BBS9: variants seen among roughly 807,000 people sequenced by gnomAD.
The protein encoded by BBS9 is protein PTHB1.
A neutral mutation model predicts 117.7 loss-of-function variants in BBS9; 89 were observed. The observed-to-expected ratio is 0.76, with a 90% CI of 0.64 to 0.90. The LOEUF (loss-of-function observed/expected upper bound fraction) is 0.90. BBS9 is among the 40% of genes least tolerant of loss of function. BBS9 has a pLI of 0.00. For synonymous variants in BBS9, 379 were observed against 370.9 expected (o/e 1.02, Z -0.25); for missense variants, 982 against 1,042.2 (o/e 0.94, Z 0.80).
intron 1 of BBS9, among the ~76,000 whole-genome samples, chr7:33,142,163 C>T (rs902573695): frequency 7.2e-5 from 11 of 152,056 alleles, no homozygotes; most frequent in Non-Finnish European, 1.0e-4. Flanking sequence ...CCTCGTGATC[C>T]GCCCGCCTCG....
intron 9 of BBS9, among the ~76,000 whole-genome samples, chr7:33,336,228 C>T (rs533262547): frequency 1.2e-4 from 19 of 152,234 alleles, no homozygotes; most frequent in Admixed American, 5.9e-4. Flanking sequence ...GCTTTTTTCC[C>T]GGCCTTAGTG....
At chr7:33,635,053 C>G (rs535161312) in intron 21 of BBS9, among the ~76,000 whole-genome samples, 3 of 152,294 alleles carry the variant, frequency 2.0e-5, no homozygotes, top group Admixed American at 2.0e-4. Context: ...CCTTTTCCCC[C>G]GGTTCAATCC....
In BBS9 at chr7:33,584,730, A is replaced by T. The variant is rs1030794843; in HGVS notation, c.2522-20135A>T. ...ACCTTAATGGATTTTGCATACATAT[A>T]CATGCATGAGATTGCTCTCAAATTT... is the stretch of plus-strand genomic sequence containing the variant. On this transcript the variant is annotated intron_variant, in intron 21 of 22. Transcript: ENST00000242067. Among the ~76,000 whole-genome samples the T allele has an allele frequency of 3.0e-4, 46 of 152,136 alleles. 1 individual carries two copies. The highest frequency in any genetic ancestry group is 1.5e-5 in the Non-Finnish European group (1 of 67,984).
At chr7:33,265,435 T>C (rs541442903) in intron 7 of BBS9, among the ~76,000 whole-genome samples, 2 of 152,336 alleles carry the variant, frequency 1.3e-5, no homozygotes, top group East Asian at 3.9e-4. Context: ...AAAGCACAGA[T>C]TGAAGTCAAA....
chr7:33,536,591 T>G (rs1227983543), intron 21 of BBS9, among the ~76,000 whole-genome samples: 1 of 132,890 alleles, frequency 7.5e-6, no homozygotes, highest in Non-Finnish European at 1.6e-5. Flanking sequence ...CAGCCCACTG[T>G]GCTTCCCTCT....
At chr7:33,214,975 G>A (rs895251671) in intron 5 of BBS9, among the ~76,000 whole-genome samples, 1 of 152,144 alleles carries the variant, frequency 6.6e-6, no homozygotes, top group Admixed American at 6.5e-5. Context: ...GGGCGATCAC[G>A]AGGTCAGGAG....
chr7:33,591,424 A>G (rs1021970893), intron 21 of BBS9, among the ~76,000 whole-genome samples: 1 of 152,086 alleles, frequency 6.6e-6, no homozygotes, highest in Non-Finnish European at 1.5e-5. Flanking sequence ...TGAGGTGTGA[A>G]CTAAATGATT....
chr7:33,221,801 GTGTT>G (rs1287154557), intron 5 of BBS9, among the ~76,000 whole-genome samples: 1 of 152,100 alleles, frequency 6.6e-6, no homozygotes, highest in African/African-American at 2.4e-5. Context: ...ATTTGGAAGT[GTGTT>G]TGTGTTTACA....
chr7:33,171,281 G>A (rs1192568499), intron 4 of BBS9, among the ~76,000 whole-genome samples: 4 of 151,816 alleles, frequency 2.6e-5, no homozygotes, highest in African/African-American at 4.8e-5. Flanking sequence ...ACAGAACAGA[G>A]CCCTCAGAAA....
chr7:33,560,478 T>G lies in BBS9; in HGVS notation c.2521+26302T>G, dbSNP rs140403869. Among the ~76,000 whole-genome samples, 79 of 152,324 alleles carry G rather than the reference T, an allele frequency of 5.2e-4. No individual in the cohort carries two copies. The East Asian group carries it at 7.5e-3, about 15-fold the overall frequency. On this transcript the variant is annotated intron_variant, in intron 21 of 22. Transcript: ENST00000242067. Reference sequence around the variant, plus strand: ...CACCACGAGATGCATTCATTAACTATTATAAGATTAGCCACACCTGGGTAT... The same window carrying G: ...CACCACGAGATGCATTCATTAACTAGTATAAGATTAGCCACACCTGGGTAT...
intron 16 of BBS9, among the ~76,000 whole-genome samples, chr7:33,366,399 T>C (rs912881664): frequency 6.6e-6 from 1 of 151,288 alleles, no homozygotes; most frequent in African/African-American, 2.4e-5. Context: ...CCCACAGGGC[T>C]ATTATGGTGT....
chr7:33,633,693 A>G (rs2129231508), intron 21 of BBS9, among the ~76,000 whole-genome samples: 1 of 152,198 alleles, frequency 6.6e-6, no homozygotes, highest in African/African-American at 2.4e-5. Flanking sequence ...TACTTGCAGT[A>G]TTCCTTTCTG....
chr7:33,370,195 C>G (rs1356915175), intron 17 of BBS9, among the ~76,000 whole-genome samples: 1 of 152,038 alleles, frequency 6.6e-6, no homozygotes, highest in African/African-American at 2.4e-5. Context: ...TAGCAGCTTA[C>G]CCCTTTAATC....
Position 33,336,605 on chromosome 7 carries a change from A to T in BBS9, c.1181A>T (p.Asp394Val), listed in dbSNP as rs1452353339. The T allele has an allele frequency of 1.9e-6, 3 of 1,608,938 alleles. No individual in the cohort carries two copies. In the South Asian group the frequency reaches 3.3e-5, roughly 18 times the overall value. ...EMKELQKIIK[D>V]VNKSQGVWPM... ...AAAGAACTTCAGAAAATCATCAAAGATGTTAACAAATCACAAGGTATCTCA... is the reference window on the plus strand; with the variant it reads ...AAAGAACTTCAGAAAATCATCAAAGTTGTTAACAAATCACAAGGTATCTCA... The change falls in exon 10 of 23, where the codon GAT becomes GTT. Residue 394 changes from aspartate (D) to valine (V), a missense_variant. Asp to Val is a radical substitution (Grantham distance 152). Transcript: ENST00000242067.
intron 21 of BBS9, among the ~76,000 whole-genome samples, chr7:33,571,113 T>A (rs903278012): frequency 6.6e-6 from 1 of 152,170 alleles, no homozygotes; most frequent in Non-Finnish European, 1.5e-5. Context: ...GTTATATAGG[T>A]GAGGGGTATA....
At chr7:33,621,959 C>T (rs1296104956) in intron 21 of BBS9, among the ~76,000 whole-genome samples, 1 of 152,152 alleles carries the variant, frequency 6.6e-6, no homozygotes, top group Non-Finnish European at 1.5e-5. Flanking sequence ...CCTGTAATTC[C>T]AGCTCTTTGA....
At chr7:33,260,101 G>A (rs1207838019) in intron 6 of BBS9, among the ~76,000 whole-genome samples, 2 of 151,496 alleles carry the variant, frequency 1.3e-5, no homozygotes, top group African/African-American at 4.8e-5. Flanking sequence ...CCGCGTTCAA[G>A]CAATTGTCCT....
At chr7:33,466,277 G>A (rs1840150415) in intron 19 of BBS9, among the ~76,000 whole-genome samples, 1 of 152,052 alleles carries the variant, frequency 6.6e-6, no homozygotes, top group Non-Finnish European at 1.5e-5. Context: ...ATGAATAAGT[G>A]CTAAACTTTT....
At chr7:33,510,585 A>G (rs1846802075) in intron 20 of BBS9, among the ~76,000 whole-genome samples, 3 of 152,150 alleles carry the variant, frequency 2.0e-5, no homozygotes, top group Admixed American at 2.0e-4. Flanking sequence ...AGCAAAACAG[A>G]CTTAGAGCCA....
Sources: allele counts gnomAD v4.1 joint callset (sites outside exome capture counted in the v4.1 genomes callset), GRCh38; gene constraint gnomAD v4.1.1; transcripts MANE v1.5; gene names NCBI Gene and HGNC (gene_info 2026-07-23, HGNC 2026-07-21).